The following ARHGEF4 variants were observed in gnomAD, a reference collection of about 807,000 sequenced individuals.
ARHGEF4 encodes APC-stimulated guanine nucleotide exchange factor 1.
ARHGEF4 carries 119 observed loss-of-function variants against 162.0 expected under a neutral mutation model. The observed-to-expected ratio is 0.73, with a 90% confidence interval of 0.63 to 0.86. ARHGEF4 has a LOEUF of 0.86. Ranked by LOEUF, ARHGEF4 falls within the 40% of genes least tolerant of loss-of-function variation. ARHGEF4 has a pLI of 0.00. For synonymous variants in ARHGEF4, 1,014 were observed against 979.9 expected (o/e 1.03, Z -0.65); for missense variants, 2,488 against 2,456.0 (o/e 1.01, Z -0.28).
At chr2:130,873,983 G>A (rs898840363) in intron 1 of ARHGEF4, among the ~76,000 whole-genome samples, 1 of 152,188 alleles carries the variant, frequency 6.6e-6, no homozygotes, top group Non-Finnish European at 1.5e-5. Context: ...GATTCAGGAG[G>A]GATGTGGATG....
chr2:130,983,143 T>G (rs1225228924), intron 4 of ARHGEF4, among the ~76,000 whole-genome samples: 2 of 152,254 alleles, frequency 1.3e-5, no homozygotes, highest in Non-Finnish European at 2.9e-5. Flanking sequence ...ACATCCCATT[T>G]ACATGTACTC....
intron 1 of ARHGEF4, among the ~76,000 whole-genome samples, chr2:130,869,938 G>A (rs948234594): frequency 4.6e-5 from 7 of 152,318 alleles, no homozygotes; most frequent in Non-Finnish European, 7.4e-5. Flanking sequence ...GGCCCCCTCC[G>A]TGGAACCCGG....
rs1680235989 is a variant in ARHGEF4 at position 130,836,950 on chromosome 2, C to A, written c.-4C>A. On this transcript the variant is annotated 5_prime_UTR_variant, in exon 1 of 14. Transcript: ENST00000409359. ...GCCGGGCTCCGGGCGTCCCGGCGGC[C>A]ACCATGCTCAGCGTCGTGCACTTCC... 1 of 1,225,946 alleles carries A rather than the reference C, an allele frequency of 8.2e-7. No individual in the cohort carries two copies. The highest frequency in any genetic ancestry group is 3.2e-5 in the East Asian group (1 of 31,286). 75.9% of individuals were successfully genotyped at this position (1,225,946 alleles called of 1,614,324 possible). A position where few individuals can be genotyped will look rare whatever the true frequency, so the allele number is the denominator to read the frequency against.
intron 2 of ARHGEF4, among the ~76,000 whole-genome samples, chr2:130,926,895 GCTTGGAATATTT>G (rs1682329623): frequency 8.3e-6 from 1 of 120,712 alleles, no homozygotes; most frequent in Non-Finnish European, 1.6e-5. Flanking sequence ...CTTATTACAG[GCTTGGAATATTT>G]CTGTTGGGGG....
intron 4 of ARHGEF4, among the ~76,000 whole-genome samples, chr2:130,986,934 C>T (rs1214830495): frequency 2.6e-5 from 4 of 152,200 alleles, no homozygotes; most frequent in East Asian, 1.9e-4. Context: ...GAGGTGAAGG[C>T]GGAGGACCAC....
intron 1 of ARHGEF4, among the ~76,000 whole-genome samples, chr2:130,867,924 TTTTTTTTTTTTC>T (rs1559008853): frequency 6.9e-6 from 1 of 143,954 alleles, no homozygotes; most frequent in African/African-American, 2.6e-5. Flanking sequence ...TGTTTTTTTC[TTTTTTTTTTTTC>T]TTTTTTTTTT....
chr2:130,881,669 C>G (rs933797502), intron 1 of ARHGEF4, among the ~76,000 whole-genome samples: 9 of 152,088 alleles, frequency 5.9e-5, no homozygotes, highest in Non-Finnish European at 1.2e-4. Context: ...ATAGTGAATG[C>G]TTCGGGAGAT....
At chr2:130,876,623 A>AC (rs1222554090) in intron 1 of ARHGEF4, among the ~76,000 whole-genome samples, 3 of 152,148 alleles carry the variant, frequency 2.0e-5, no homozygotes, top group African/African-American at 7.2e-5. Flanking sequence ...CGATCTCCTG[A>AC]CCTTGTGATC....
chr2:130,872,851 C>T (rs927430543), intron 1 of ARHGEF4, among the ~76,000 whole-genome samples: 3 of 152,152 alleles, frequency 2.0e-5, no homozygotes, highest in Non-Finnish European at 2.9e-5. Flanking sequence ...GGTCAGGTCT[C>T]GTGGTCACCT....
rs185387102 is a variant in ARHGEF4 at position 130,949,708 on chromosome 2, C to T, written c.3985+3073C>T. Among the ~76,000 whole-genome samples, 64 of 150,284 alleles carry T rather than the reference C, an allele frequency of 4.3e-4. No homozygotes were observed. In the East Asian group the frequency reaches 0.012, roughly 28 times the overall value. ...TCGCCCAGGCTGCAGTGCAGTGGTGCGATCGATCTCGGCTCACTGCAGCCT... is the reference window on the plus strand; with the variant it reads ...TCGCCCAGGCTGCAGTGCAGTGGTGTGATCGATCTCGGCTCACTGCAGCCT... On this transcript the variant is annotated intron_variant, in intron 4 of 13. Transcript: ENST00000409359.
Position 130,946,213 on chromosome 2 carries a change from T to C in ARHGEF4, c.3859-296T>C, listed in dbSNP as rs117929983. 1.9e-4 allele frequency among the ~76,000 whole-genome samples: 29 copies of C among 152,338 alleles called. No homozygotes were observed. The East Asian group carries it at 5.6e-3, about 29-fold the overall frequency. Reference sequence around the variant, plus strand: ...TTGCTTTCGGGGAGATATCAGGCTGTGTGGCTCACCAGCTTGGGGAGAGTT... The same window carrying C: ...TTGCTTTCGGGGAGATATCAGGCTGCGTGGCTCACCAGCTTGGGGAGAGTT... On this transcript the variant is annotated intron_variant, in intron 3 of 13. Transcript: ENST00000409359.
At chr2:130,958,020 A>C (rs1238386690) in intron 4 of ARHGEF4, among the ~76,000 whole-genome samples, 1 of 151,622 alleles carries the variant, frequency 6.6e-6, no homozygotes, top group Non-Finnish European at 1.5e-5. Context: ...AGGAACAAAA[A>C]AAAAAAAGAA....
intron 4 of ARHGEF4, among the ~76,000 whole-genome samples, chr2:130,948,818 C>A (rs1469504181): frequency 1.3e-5 from 2 of 151,984 alleles, no homozygotes; most frequent in Non-Finnish European, 2.9e-5. Context: ...ATTCCTTTTT[C>A]TTCAAAAAAG....
At chr2:131,026,273 A>C (rs1455668023) in intron 4 of ARHGEF4, among the ~76,000 whole-genome samples, 1 of 152,250 alleles carries the variant, frequency 6.6e-6, no homozygotes, top group Non-Finnish European at 1.5e-5. Context: ...AAGTTATAAA[A>C]CATTAAAGGA....
At chr2:130,942,778 T>A (rs535866921) in intron 3 of ARHGEF4, among the ~76,000 whole-genome samples, 24 of 152,194 alleles carry the variant, frequency 1.6e-4, no homozygotes, top group Non-Finnish European at 2.9e-4. Context: ...ATAGTTTAAT[T>A]CCATTGTGAT....
Position 130,837,011 on chromosome 2 carries a change from G to T in ARHGEF4, c.39+19G>T, listed in dbSNP as rs1680240066. ...CTTCAAGGTGAGAGCCGGCGTCCGG[G>T]ACTTGCGGTCGGGCTCCCGGCGCCC... On this transcript the variant is annotated intron_variant, in intron 1 of 13. Transcript: ENST00000409359. 4.9e-6 allele frequency: 6 copies of T among 1,227,108 alleles called. No individual in the cohort carries two copies. In the East Asian group the frequency reaches 1.6e-4, roughly 33 times the overall value. The allele number at this position is 1,227,108 out of a possible 1,614,324, so 76.0% of individuals were successfully genotyped here.
intron 3 of ARHGEF4, among the ~76,000 whole-genome samples, chr2:130,945,126 C>A (rs1190351328): frequency 1.3e-5 from 2 of 152,080 alleles, no homozygotes; most frequent in African/African-American, 4.8e-5. Context: ...TCCACTCATA[C>A]AGCTTGGGGG....
chr2:130,865,676 T>G (rs1682221901), intron 1 of ARHGEF4, among the ~76,000 whole-genome samples: 1 of 152,150 alleles, frequency 6.6e-6, no homozygotes. Context: ...TTCCTTTCCA[T>G]GTGATGGTGA....
At chr2:130,873,776 G>A (rs903697880) in intron 1 of ARHGEF4, among the ~76,000 whole-genome samples, 2 of 152,050 alleles carry the variant, frequency 1.3e-5, no homozygotes, top group Non-Finnish European at 2.9e-5. Context: ...TTGGAGGGGT[G>A]GGGTTTGGTG....
Sources: allele counts gnomAD v4.1 joint callset (sites outside exome capture counted in the v4.1 genomes callset), GRCh38; gene constraint gnomAD v4.1.1; transcripts MANE v1.5; gene names NCBI Gene and HGNC (gene_info 2026-07-23, HGNC 2026-07-21).